CCDC141: variants seen among roughly 807,000 people sequenced by gnomAD.
CCDC141 encodes coiled-coil domain containing 141.
CCDC141 carries 168 observed loss-of-function variants against 181.0 expected under a neutral mutation model. That is an observed-to-expected ratio of 0.93 (90% CI 0.82 to 1.05). The LOEUF (loss-of-function observed/expected upper bound fraction) is 1.05, where lower values mean the gene tolerates loss of function less well. Among genes scored for constraint, CCDC141 ranks in the 50% least tolerant of loss-of-function variants. The probability of loss-of-function intolerance (pLI) is 0.00; values close to 1 mark genes in which losing one functional copy is unlikely to be tolerated. For synonymous variants in CCDC141, 666 were observed against 642.3 expected, an observed-to-expected ratio of 1.04 and a Z score of -0.56; for missense variants, 1,902 against 1,788.5, an observed-to-expected ratio of 1.06 and a Z score of -1.14.
At position 178,884,971 on chromosome 2, in the gene CCDC141, A is replaced by C; in HGVS notation, c.1649T>G (p.Phe550Cys). ...ARWLAEELNL[F>C]GQSIDYRSQV... ...CGATCTATAGTCAATGCTTTGGCCA[A>C]ATAGGTTTAATTCTTCTGCTAGCCA... The change falls in exon 11 of 24, where the codon TTT becomes TGT. Residue 550 changes from phenylalanine (F) to cysteine (C), a missense_variant. Phe to Cys is a radical substitution (Grantham distance 205). Coordinates refer to ENST00000443758, the MANE Select transcript of CCDC141 (RefSeq NM_173648.4). The C allele has an allele frequency of 1.9e-6, 3 of 1,550,434 alleles. No individual in the cohort carries two copies. The highest frequency in any genetic ancestry group is 1.7e-6 in the Non-Finnish European group (2 of 1,146,866).
chr2:178,861,189 TAG>T (rs779035765), intron 17 of CCDC141, among the ~76,000 whole-genome samples: 1 of 151,692 alleles, frequency 6.6e-6, no homozygotes, highest in Non-Finnish European at 1.5e-5. Context: ...TTCTTTTCAA[TAG>T]AGTCTCACTC....
chr2:178,998,575 A>G, intron 2 of CCDC141, among the ~76,000 whole-genome samples: 1 of 152,162 alleles, frequency 6.6e-6, no homozygotes, highest in East Asian at 1.9e-4. Context: ...GTATAGGTCT[A>G]TATGACCTCA....
intron 9 of CCDC141, among the ~76,000 whole-genome samples, chr2:178,887,571 C>T (rs562660815): frequency 1.3e-5 from 2 of 152,322 alleles, no homozygotes; most frequent in Non-Finnish European, 2.9e-5. Flanking sequence ...TGTTCCACTG[C>T]CACCAAATTA....
chr2:178,960,160 A>G (rs1376805168), intron 5 of CCDC141, among the ~76,000 whole-genome samples: 1 of 152,204 alleles, frequency 6.6e-6, no homozygotes, highest in Non-Finnish European at 1.5e-5. Flanking sequence ...CCAAATGCCA[A>G]TAGTGCCAAG....
intron 8 of CCDC141, among the ~76,000 whole-genome samples, chr2:178,889,605 A>G (rs550119831): frequency 6.6e-6 from 1 of 152,300 alleles, no homozygotes; most frequent in East Asian, 1.9e-4. Flanking sequence ...CTCTGTAAAA[A>G]TGAATTTAAT....
rs751521028 is a variant in CCDC141, at chr2:179,049,816, G to GA, written c.102+23dup. ...ACAGCTAGAAGCCCACAGCCGCACA[G>GA]AAAAAAGGAAGTTGTTAGCTTACCT... On this transcript the variant is annotated intron_variant, in intron 1 of 23. Transcript: ENST00000443758. 3.9e-6 allele frequency: 6 copies of GA among 1,550,302 alleles called. No homozygotes were observed. In the East Asian group the frequency reaches 9.8e-5, roughly 25 times the overall value.
At chr2:178,999,548 G>T (rs1018802352) in intron 2 of CCDC141, among the ~76,000 whole-genome samples, 5 of 152,064 alleles carry the variant, frequency 3.3e-5, no homozygotes. Flanking sequence ...ATCTTTCCAT[G>T]CTGCCAATTG....
At chr2:178,898,182 T>G (rs999518938) in intron 8 of CCDC141, among the ~76,000 whole-genome samples, 1 of 152,200 alleles carries the variant, frequency 6.6e-6, no homozygotes, top group African/African-American at 2.4e-5. Context: ...AAGACTGGGT[T>G]AGTTCTCTCA....
chr2:178,907,822 C>T (rs1688041265), intron 7 of CCDC141, among the ~76,000 whole-genome samples: 3 of 151,596 alleles, frequency 2.0e-5, no homozygotes, highest in Admixed American at 2.0e-4. Flanking sequence ...GGTGAAGCCT[C>T]GTCTCTACTA....
intron 6 of CCDC141, among the ~76,000 whole-genome samples, chr2:178,943,062 AG>A (rs1327072671): frequency 6.6e-6 from 1 of 152,128 alleles, no homozygotes; most frequent in Non-Finnish European, 1.5e-5. Context: ...TATAACCCCA[AG>A]GGATGTCTAA....
chr2:178,990,139 C>CAAAA (rs60180781), intron 2 of CCDC141, among the ~76,000 whole-genome samples: 5 of 119,258 alleles, frequency 4.2e-5, no homozygotes, highest in African/African-American at 9.1e-5. Context: ...AATTCCATCT[C>CAAAA]AAAAAAAAAA....
rs1432995295 is a variant in CCDC141, at chr2:179,049,907, G to A, written c.35C>T (p.Ser12Phe). 3.9e-6 allele frequency: 6 copies of A among 1,550,728 alleles called. No homozygotes were observed. The South Asian group carries it at 7.1e-5, about 18-fold the overall frequency. ...AGCAACTGAACTGACTGTCGTCGTAGAAAGCGCAACACTAGGACTTCCTTG... is the reference window on the plus strand; with the variant it reads ...AGCAACTGAACTGACTGTCGTCGTAAAAAGCGCAACACTAGGACTTCCTTG... ...SSQGSPSVAL[S>F]TTTVSSVAVQ... Residue 12 changes from serine (S) to phenylalanine (F), a missense_variant, in exon 1 of 24, where the codon TCT becomes TTT. Transcript: ENST00000443758.
rs1178681037 is a variant in CCDC141, at chr2:178,830,677, T to A, written c.*3496A>T. The A allele has an allele frequency of 6.6e-6, 1 of 152,300 alleles. No homozygotes were observed. The highest frequency in any genetic ancestry group is 1.5e-5 in the Non-Finnish European group (1 of 68,162). 9.4% of individuals were successfully genotyped at this position (152,300 alleles called of 1,614,324 possible). ...CTGATGCTCAAACCTGCGATTCCTT[T>A]GTGTATATTCAGGGGCGTGGCTGGG... On this transcript the variant is annotated 3_prime_UTR_variant, in exon 24 of 24. Transcript: ENST00000443758.
intron 10 of CCDC141, 103 bp from the exon 11 acceptor site, chr2:178,885,195 C>T: frequency 3.1e-6 from 2 of 644,724 alleles, no homozygotes; most frequent in Admixed American, 3.2e-5. Flanking sequence ...ACTAATTGAA[C>T]TTATACCAAG....
Position 178,978,663 on chromosome 2 carries a change from G to A in CCDC141, c.238C>T (p.Arg80Trp), listed in dbSNP as rs549512425. 85 of 1,538,430 alleles carry A rather than the reference G, an allele frequency of 5.5e-5. No individual in the cohort carries two copies. In the South Asian group the frequency reaches 9.4e-4, roughly 17 times the overall value. The change falls in exon 3 of 24, where the codon CGG becomes TGG. Residue 80 changes from arginine to tryptophan, a missense_variant. Transcript: ENST00000443758. ...GCTTCCTGCAAGAGTTCCCATACCC[G>A]ATCTTCCAAAGCCTAAGTACAAAAG... ...LLAKLKALED[R>W]VWELLQEADK...
chr2:178,961,464 TA>T lies in CCDC141; in HGVS notation c.545del (p.Leu182Ter). ...HHTKELLERS[L>X]ALLNKSQQLT... ...GTTGTTGACTTTTGTTTAAAAGGGC[TA>T]AAGACCGTTCCAAGAGTTCTAGAAG... On this transcript the variant is annotated frameshift_variant, in exon 5 of 24. Transcript: ENST00000443758. LOFTEE classifies it high-confidence loss of function. 6.5e-7 allele frequency: 1 copy of T among 1,549,918 alleles called. No individual in the cohort carries two copies. Among genetic ancestry groups the T allele is most frequent in the South Asian group, 1.2e-5 (1 of 83,976 alleles).
At position 178,837,528 on chromosome 2, in the gene CCDC141, C is replaced by T. The variant is rs1262414532; in HGVS notation, c.3691G>A (p.Asp1231Asn). The change falls in exon 23 of 24, where the codon GAC (aspartate) becomes AAC (asparagine). Residue 1231 changes from aspartate (D) to asparagine (N), a missense_variant. Transcript: ENST00000443758. ...GSPESPLAPSDMEVEEPVSSS... is the reference protein window; with the variant it reads ...GSPESPLAPSNMEVEEPVSSS... ...CTGACAGGCTCTTCCACCTCCATGT[C>T]AGATGGTGCAAGAGGGGACTCAGGG... 3 of 1,613,846 alleles carry T rather than the reference C, an allele frequency of 1.9e-6. No individual in the cohort carries two copies. The highest frequency in any genetic ancestry group is 2.7e-5 in the African/African-American group (2 of 74,924).
At chr2:178,904,969 C>G (rs1430939109) in intron 8 of CCDC141, among the ~76,000 whole-genome samples, 1 of 152,176 alleles carries the variant, frequency 6.6e-6, no homozygotes, top group Non-Finnish European at 1.5e-5. Context: ...ACAGGATAGA[C>G]TCAAGACTCA....
chr2:178,994,973 T>C (rs1692218291), intron 2 of CCDC141, among the ~76,000 whole-genome samples: 1 of 152,220 alleles, frequency 6.6e-6, no homozygotes, highest in Non-Finnish European at 1.5e-5. Flanking sequence ...CATATCTCTA[T>C]CAGCATTTTG....
Sources: allele counts gnomAD v4.1 joint callset (sites outside exome capture counted in the v4.1 genomes callset), GRCh38; gene constraint gnomAD v4.1.1; transcripts MANE v1.5; gene names NCBI Gene and HGNC (gene_info 2026-07-23, HGNC 2026-07-21).